The following BRWD1 variants were observed in gnomAD, a reference collection of about 807,000 sequenced individuals.
BRWD1 encodes bromodomain and WD repeat domain containing 1, also known as bromodomain and WD repeat-containing protein 1.
BRWD1 carries 82 observed loss-of-function variants against 251.2 expected under a neutral mutation model. The ratio of observed to expected loss-of-function variants is 0.33; its 90% CI spans 0.27 to 0.39. The LOEUF is 0.39. Ranked by LOEUF, BRWD1 falls within the 10% of genes least tolerant of loss-of-function variation. The pLI, the probability that BRWD1 is intolerant of heterozygous loss-of-function variation, is 1.00. For missense variants in BRWD1, 2,233 were observed against 2,711.6 expected, an observed-to-expected ratio of 0.82 and a Z score of 3.92; for synonymous variants, 918 against 902.8, an observed-to-expected ratio of 1.02 and a Z score of -0.30.
intron 27 of BRWD1, among the ~76,000 whole-genome samples, chr21:39,225,578 G>A (rs972693399): frequency 6.6e-5 from 10 of 152,090 alleles, no homozygotes; most frequent in Non-Finnish European, 1.0e-4. Flanking sequence ...ATGATTCTTC[G>A]GGATATAGAT....
chr21:39,190,858 T>C lies in BRWD1; in HGVS notation c.*5401A>G, dbSNP rs2031515211. 7.1e-6 allele frequency: 7 copies of C among 985,198 alleles called. No individual in the cohort carries two copies. The South Asian group carries it at 3.3e-4, about 46-fold the overall frequency. The allele number at this position is 985,198 out of a possible 1,614,324, so 61.0% of individuals were successfully genotyped here. ...TTCCATGAACTAGTTCATTAGCTTA[T>C]TCATTTTTAGGGTTCATTTACTCAA... On this transcript the variant is annotated 3_prime_UTR_variant, in exon 41 of 41. Transcript: ENST00000342449.
Position 39,236,769 on chromosome 21 carries a change from T to C in BRWD1, c.2592A>G (p.Arg864=). ...YSESSSDSSS[R]YSDWTADAGI... ...CCGCATCAGCTGTCCAATCGGAATA[T>C]CTAGATGAAGAGTCACTAGAAAAGG... Residue 864 remains arginine, a synonymous_variant, in exon 23 of 41, where the codon AGA becomes AGG. Coordinates refer to ENST00000342449, the MANE Select transcript of BRWD1 (RefSeq NM_033656.4). The C allele has an allele frequency of 1.9e-6, 3 of 1,613,628 alleles. No individual in the cohort carries two copies. Among genetic ancestry groups the C allele is most frequent in the Non-Finnish European group, 2.5e-6 (3 of 1,179,892 alleles).
chr21:39,193,974 C>T lies in BRWD1; in HGVS notation c.*2285G>A, dbSNP rs949328935. On this transcript the variant is annotated 3_prime_UTR_variant, in exon 41 of 41. Coordinates refer to ENST00000342449, the MANE Select transcript of BRWD1 (RefSeq NM_033656.4). ...TCTCCATTATCTCTCAGTTTTATTTCATAACTTGAGAAGCTACCATTGTCG... is the reference window on the plus strand; with the variant it reads ...TCTCCATTATCTCTCAGTTTTATTTTATAACTTGAGAAGCTACCATTGTCG... 9 of 985,446 alleles carry T rather than the reference C, an allele frequency of 9.1e-6. No homozygotes were observed. The highest frequency in any genetic ancestry group is 1.1e-5 in the Non-Finnish European group (9 of 829,732). The allele number at this position is 985,446 out of a possible 1,614,324, so 61.0% of individuals were successfully genotyped here.
chr21:39,251,183 A>G (rs1183670609), intron 19 of BRWD1, among the ~76,000 whole-genome samples: 1 of 152,154 alleles, frequency 6.6e-6, no homozygotes, highest in Non-Finnish European at 1.5e-5. Flanking sequence ...CGTCTTCATG[A>G]TTTTCCAAGA....
Position 39,270,282 on chromosome 21 carries a change from C to A in BRWD1, c.1395+1G>T. 1 of 1,564,504 alleles carries A rather than the reference C, an allele frequency of 6.4e-7. No homozygotes were observed. Among genetic ancestry groups the A allele is most frequent in the Non-Finnish European group, 8.6e-7 (1 of 1,158,134 alleles). Reference sequence around the variant, plus strand: ...GTTACACTGTACCAGAAATTACCTACCATTAAGTTATGAAGCAGTTGTCCA... The same window carrying A: ...GTTACACTGTACCAGAAATTACCTAACATTAAGTTATGAAGCAGTTGTCCA... On this transcript the variant is annotated splice_donor_variant, in intron 14 of 40. Transcript: ENST00000342449. LOFTEE classifies it high-confidence loss of function.
At chr21:39,214,983 C>G (rs1182666895) in intron 32 of BRWD1, among the ~76,000 whole-genome samples, 1 of 150,852 alleles carries the variant, frequency 6.6e-6, no homozygotes, top group Non-Finnish European at 1.5e-5. Flanking sequence ...CCACCACCTC[C>G]TGGGTTCAAG....
chr21:39,311,335 T>C lies in BRWD1; in HGVS notation c.198+1506A>G, dbSNP rs868507619. Among the ~76,000 whole-genome samples the C allele has an allele frequency of 9.2e-5, 14 of 152,062 alleles. 1 individual carries two copies. The South Asian group carries it at 2.9e-3, about 32-fold the overall frequency. ...GGCACGCACCACCACAGCCGCCTAA[T>C]TTTCTGTTACTTATTCTTTGTGGAG... On this transcript the variant is annotated intron_variant, in intron 4 of 40. Coordinates refer to ENST00000342449, the MANE Select transcript of BRWD1 (RefSeq NM_033656.4).
chr21:39,300,302 T>A (rs1004235998), intron 4 of BRWD1, among the ~76,000 whole-genome samples: 1 of 152,020 alleles, frequency 6.6e-6, no homozygotes, highest in Admixed American at 6.6e-5. Flanking sequence ...TGGAGAATGA[T>A]CTCTTCTGAC....
chr21:39,305,849 C>G (rs2036268642), intron 4 of BRWD1, among the ~76,000 whole-genome samples: 2 of 127,650 alleles, frequency 1.6e-5, no homozygotes, highest in South Asian at 5.3e-4. Context: ...GGCGACGGTG[C>G]AAGACTGTCT....
chr21:39,316,887 C>G (rs1365831650), upstream of BRWD1, among the ~76,000 whole-genome samples: 2 of 152,276 alleles, frequency 1.3e-5, no homozygotes, highest in Middle Eastern at 3.4e-3. Flanking sequence ...TGCAGTGACC[C>G]ATGATCACAG....
Position 39,238,423 on chromosome 21 carries a change from T to C in BRWD1, c.2576+56A>G, listed in dbSNP as rs78893942. 3.2e-3 allele frequency: 4,392 copies of C among 1,393,910 alleles called. 100 individuals carry two copies. The African/African-American group carries it at 0.053, about 17-fold the overall frequency. 86.3% of individuals were successfully genotyped at this position (1,393,910 alleles called of 1,614,324 possible). On this transcript the variant is annotated intron_variant, in intron 22 of 40. Coordinates refer to ENST00000342449, the MANE Select transcript of BRWD1 (RefSeq NM_033656.4). ...CTCTTGAATAAAATTCAAGTATGATTCCATCCAAGACTATGACTAAAATGC... is the reference window on the plus strand; with the variant it reads ...CTCTTGAATAAAATTCAAGTATGATCCCATCCAAGACTATGACTAAAATGC...
At chr21:39,230,972 T>C (rs1314982041) in intron 25 of BRWD1, among the ~76,000 whole-genome samples, 1 of 152,016 alleles carries the variant, frequency 6.6e-6, no homozygotes, top group Non-Finnish European at 1.5e-5. Context: ...AGTTCACAAA[T>C]ACAGAATCCA....
At chr21:39,204,303 G>A (rs1424373399) in intron 37 of BRWD1, among the ~76,000 whole-genome samples, 1 of 151,410 alleles carries the variant, frequency 6.6e-6, no homozygotes, top group African/African-American at 2.4e-5. Context: ...GATGCATAGT[G>A]TAGTCCCCAG....
At chr21:39,298,315 A>C in intron 5 of BRWD1, 117 bp downstream of exon 5, 1 of 1,371,718 alleles carries the variant, frequency 7.3e-7, no homozygotes, top group African/African-American at 1.5e-5. Context: ...TTTATAGTCC[A>C]CAGCATGATT....
At chr21:39,204,463 A>T (rs188799241) in intron 37 of BRWD1, among the ~76,000 whole-genome samples, 10 of 152,298 alleles carry the variant, frequency 6.6e-5, no homozygotes, top group African/African-American at 2.2e-4. Context: ...ATAGTCAAAG[A>T]ATATAGAATG....
intron 23 of BRWD1, among the ~76,000 whole-genome samples, chr21:39,234,786 G>A (rs533273775): frequency 4.6e-5 from 7 of 152,242 alleles, no homozygotes; most frequent in Non-Finnish European, 7.4e-5. Flanking sequence ...ATTTAACCTC[G>A]CCAAAACAAG....
chr21:39,206,849 A>G (rs576489345), intron 36 of BRWD1, among the ~76,000 whole-genome samples: 1 of 152,364 alleles, frequency 6.6e-6, no homozygotes, highest in South Asian at 2.1e-4. Flanking sequence ...ATCAAATCTT[A>G]AATACTTTTG....
intron 8 of BRWD1, among the ~76,000 whole-genome samples, chr21:39,290,988 G>A (rs1431061613): frequency 3.3e-5 from 5 of 152,080 alleles, no homozygotes; most frequent in Non-Finnish European, 5.9e-5. Context: ...AAAAAGCCGG[G>A]GTTGGTAAGC....
rs746384375 is a variant in BRWD1, at chr21:39,202,562, A to G, written c.4365-17T>C. On this transcript the variant is annotated splice_polypyrimidine_tract_variant and intron_variant, in intron 37 of 40. Coordinates refer to ENST00000342449, the MANE Select transcript of BRWD1 (RefSeq NM_033656.4). Reference sequence around the variant, plus strand: ...TTGAGGTTTCTGGCCAAACATATGAACAAAGGAAACAGTATTTAACAAAAT... The same window carrying G: ...TTGAGGTTTCTGGCCAAACATATGAGCAAAGGAAACAGTATTTAACAAAAT... 37 of 1,560,692 alleles carry G rather than the reference A, an allele frequency of 2.4e-5. No homozygotes were observed. Among genetic ancestry groups the G allele is most frequent in the Non-Finnish European group, 3.2e-5 (36 of 1,134,732 alleles).
Sources: allele counts gnomAD v4.1 joint callset (sites outside exome capture counted in the v4.1 genomes callset), GRCh38; gene constraint gnomAD v4.1.1; transcripts MANE v1.5; gene names NCBI Gene and HGNC (gene_info 2026-07-23, HGNC 2026-07-21).